The following COL25A1 variants were observed in gnomAD, a reference collection of about 807,000 sequenced individuals.
COL25A1 encodes collagen type XXV alpha 1 chain.
COL25A1 carries 103 observed loss-of-function variants against 128.4 expected under a neutral mutation model. The ratio of observed to expected loss-of-function variants is 0.80; its 90% CI spans 0.68 to 0.94. The LOEUF is 0.94. Among genes scored for constraint, COL25A1 ranks in the 40% least tolerant of loss-of-function variants. The pLI, the probability that COL25A1 is intolerant of heterozygous loss-of-function variation, is 0.00. For missense variants in COL25A1, 745 were observed against 840.0 expected (o/e 0.89, Z 1.40); for synonymous variants, 279 against 277.2 (o/e 1.01, Z -0.06).
intron 18 of COL25A1, among the ~76,000 whole-genome samples, chr4:108,887,063 G>A (rs766571062): frequency 5.9e-5 from 9 of 152,088 alleles, no homozygotes; most frequent in Non-Finnish European, 1.2e-4. Context: ...CACTCTACAA[G>A]CACATATATA....
intron 3 of COL25A1, among the ~76,000 whole-genome samples, chr4:109,244,854 T>C (rs551122728): frequency 2.6e-5 from 4 of 152,306 alleles, no homozygotes; most frequent in South Asian, 4.1e-4. Flanking sequence ...TATGATAATA[T>C]AGTGCCCAAT....
intron 3 of COL25A1, among the ~76,000 whole-genome samples, chr4:109,089,169 T>A (rs1390218934): frequency 6.6e-6 from 1 of 152,126 alleles, no homozygotes; most frequent in African/African-American, 2.4e-5. Flanking sequence ...CATCACATTG[T>A]GGGAAAAAAT....
chr4:109,282,371 A>G (rs1026723125), intron 3 of COL25A1, among the ~76,000 whole-genome samples: 11 of 152,192 alleles, frequency 7.2e-5, no homozygotes, highest in African/African-American at 1.4e-4. Context: ...GATAACTACA[A>G]TGTTTTCCCC....
At chr4:109,286,271 A>G (rs1464900109) in intron 3 of COL25A1, among the ~76,000 whole-genome samples, 1 of 152,236 alleles carries the variant, frequency 6.6e-6, no homozygotes, top group African/African-American at 2.4e-5. Context: ...TCATTTAATA[A>G]TAATAACAAT....
intron 6 of COL25A1, among the ~76,000 whole-genome samples, chr4:108,996,053 G>GC (rs1754737863): frequency 6.6e-6 from 1 of 152,102 alleles, no homozygotes; most frequent in South Asian, 2.1e-4. Flanking sequence ...GGAAGAAACT[G>GC]CATCAACTAA....
chr4:108,946,048 T>G (rs1383576702), intron 8 of COL25A1, among the ~76,000 whole-genome samples: 2 of 152,168 alleles, frequency 1.3e-5, no homozygotes, highest in Non-Finnish European at 2.9e-5. Context: ...AACTACCATA[T>G]ATATAAAACT....
intron 3 of COL25A1, among the ~76,000 whole-genome samples, chr4:109,263,307 A>T (rs562551321): frequency 3.9e-5 from 6 of 152,298 alleles, no homozygotes; most frequent in African/African-American, 1.4e-4. Flanking sequence ...TTCAGTACTA[A>T]ACTGATTTTT....
rs775672110 is a variant in COL25A1 at position 109,065,543 on chromosome 4, CGCGTGT to C, written c.368-15370_368-15365del. Among the ~76,000 whole-genome samples, 176 of 131,214 alleles carry C rather than the reference CGCGTGT, an allele frequency of 1.3e-3. 1 individual carries two copies. The highest frequency in any genetic ancestry group is 1.9e-3 in the Non-Finnish European group (113 of 60,508). The allele number at this position is 131,214 out of a possible 152,430, so 86.1% of individuals were successfully genotyped here. ...CTTTTTGGTGCAGCACGCGCGCGCG[CGCGTGT>C]GTGTGTGTGTGTGTGTGTGTGTGTG... is the stretch of plus-strand genomic sequence containing the variant. On this transcript the variant is annotated intron_variant, in intron 3 of 37. Transcript: ENST00000399132.
intron 5 of COL25A1, among the ~76,000 whole-genome samples, chr4:109,016,566 T>C (rs973608736): frequency 6.6e-5 from 10 of 152,222 alleles, no homozygotes; most frequent in East Asian, 1.9e-4. Context: ...CAGCACACAC[T>C]TTCTTCCTTC....
intron 3 of COL25A1, among the ~76,000 whole-genome samples, chr4:109,052,761 G>A (rs1360358215): frequency 6.6e-6 from 1 of 152,106 alleles, no homozygotes; most frequent in African/African-American, 2.4e-5. Context: ...AAATGGATGA[G>A]ATGAATTTGG....
rs771157722 is a variant in COL25A1 at position 108,824,173 on chromosome 4, C to T, written c.1845+1G>A. The stretch of plus-strand genomic sequence containing the variant: ...GGTACATGCTGGGATGGAGAGGTCA[C>T]CTTTTCTCCCTTTTCTCCTAGATCA... On this transcript the variant is annotated splice_donor_variant, in intron 35 of 37. Coordinates refer to ENST00000399132, the MANE Select transcript of COL25A1 (RefSeq NM_198721.4). LOFTEE classifies it high-confidence loss of function. 1 of 1,614,006 alleles carries T rather than the reference C, an allele frequency of 6.2e-7. No individual in the cohort carries two copies. The highest frequency in any genetic ancestry group is 8.5e-7 in the Non-Finnish European group (1 of 1,179,942).
intron 5 of COL25A1, among the ~76,000 whole-genome samples, chr4:109,047,831 C>A (rs1315301805): frequency 6.7e-6 from 1 of 150,000 alleles, no homozygotes; most frequent in Admixed American, 6.7e-5. Context: ...CTCCCGGGTT[C>A]ACGCCATTCT....
intron 3 of COL25A1, among the ~76,000 whole-genome samples, chr4:109,225,260 T>C (rs943847815): frequency 8.5e-5 from 13 of 152,154 alleles, no homozygotes; most frequent in African/African-American, 3.1e-4. Context: ...ATTCAGAATC[T>C]ACAAGGAATT....
At position 108,813,200 on chromosome 4, in the gene COL25A1, A is replaced by G. The variant is rs1295803316; in HGVS notation, c.*727T>C. 1 of 152,204 alleles carries G rather than the reference A, an allele frequency of 6.6e-6. No individual in the cohort carries two copies. Among genetic ancestry groups the G allele is most frequent in the East Asian group, 1.9e-4 (1 of 5,176 alleles). The allele number at this position is 152,204 out of a possible 1,614,324, so 9.4% of individuals were successfully genotyped here. On this transcript the variant is annotated 3_prime_UTR_variant, in exon 38 of 38. Coordinates refer to ENST00000399132, the MANE Select transcript of COL25A1 (RefSeq NM_198721.4). ...TTCGTATTTCAACCAAAGTGGCCAC[A>G]TGAGCCCACAATACTGGAAGCTGTA... is the stretch of plus-strand genomic sequence containing the variant.
intron 3 of COL25A1, among the ~76,000 whole-genome samples, chr4:109,109,574 A>G (rs1186301965): frequency 6.6e-6 from 1 of 152,126 alleles, no homozygotes; most frequent in African/African-American, 2.4e-5. Context: ...TGTTACCTAA[A>G]GCAACTAATG....
At chr4:109,164,991 T>A (rs1772930035) in intron 3 of COL25A1, among the ~76,000 whole-genome samples, 1 of 152,204 alleles carries the variant, frequency 6.6e-6, no homozygotes, top group South Asian at 2.1e-4. Flanking sequence ...AGACTCCATA[T>A]CTGAATTCAG....
intron 3 of COL25A1, among the ~76,000 whole-genome samples, chr4:109,221,091 T>A (rs1778376532): frequency 6.6e-6 from 1 of 151,940 alleles, no homozygotes; most frequent in South Asian, 2.1e-4. Context: ...TTAATATGCA[T>A]AAGATATTAA....
intron 3 of COL25A1, among the ~76,000 whole-genome samples, chr4:109,160,448 T>C (rs1002459630): frequency 1.3e-5 from 2 of 152,182 alleles, no homozygotes; most frequent in African/African-American, 4.8e-5. Flanking sequence ...TACTTAACCC[T>C]AAGTAATAAA....
chr4:108,999,813 G>T (rs1439472426), intron 6 of COL25A1, among the ~76,000 whole-genome samples: 1 of 152,152 alleles, frequency 6.6e-6, no homozygotes, highest in Non-Finnish European at 1.5e-5. Flanking sequence ...CATGTCCTTT[G>T]CAGGCACATG....
Sources: gnomAD v4.1 joint callset for allele counts (sites outside exome capture counted in the v4.1 genomes callset) on GRCh38, gnomAD v4.1.1 for gene constraint, MANE v1.5 for transcripts, NCBI Gene and HGNC (gene_info 2026-07-23, HGNC 2026-07-21) for gene names.